KDM4C: variants seen among roughly 807,000 people sequenced by gnomAD.
KDM4C encodes the protein lysine-specific demethylase 4C.
Under a neutral mutation model 129.3 loss-of-function variants are expected in KDM4C, and 81 were observed. That is an observed-to-expected ratio of 0.63 (90% confidence interval 0.52 to 0.75). The LOEUF (loss-of-function observed/expected upper bound fraction) is 0.75. KDM4C is among the 30% of genes least tolerant of loss of function. The pLI, the probability that KDM4C is intolerant of heterozygous loss-of-function variation, is 0.00. For synonymous variants in KDM4C, 573 were observed against 456.1 expected (o/e 1.26, Z -3.26); for missense variants, 1,457 against 1,304.0 (o/e 1.12, Z -1.81).
chr9:6,801,239 ATTTTTTTTTTTTTTTTTT>A (rs59151680), intron 2 of KDM4C, among the ~76,000 whole-genome samples: 7 of 65,738 alleles, frequency 1.1e-4, no homozygotes, highest in Admixed American at 2.3e-4. Context: ...GAGTAGGGAA[ATTTTTTTTTTTTTTTTTT>A]TTTTTTTTTT....
intron 20 of KDM4C, among the ~76,000 whole-genome samples, chr9:7,168,871 T>C (rs1426063773): frequency 6.6e-6 from 1 of 151,998 alleles, no homozygotes; most frequent in African/African-American, 2.4e-5. Context: ...ACCTTATCTC[T>C]ACTAAAAAAC....
intron 8 of KDM4C, among the ~76,000 whole-genome samples, chr9:6,927,596 G>A (rs960562056): frequency 1.7e-4 from 26 of 152,180 alleles, no homozygotes; most frequent in African/African-American, 6.3e-4. Context: ...CCTTTGAGGA[G>A]ATCATCCCTC....
chr9:6,729,135 C>G lies in KDM4C; in HGVS notation c.49+8138C>G, dbSNP rs1401770516. Reference sequence around the variant, plus strand: ...CAGAGAATTGCTTGAACCCGGGAAGCAGAGGTTGCAGTGAGCCGAGATCAC... The same window carrying G: ...CAGAGAATTGCTTGAACCCGGGAAGGAGAGGTTGCAGTGAGCCGAGATCAC... On this transcript the variant is annotated intron_variant, in intron 1 of 17. Coordinates refer to the KDM4C transcript ENST00000536108. 4.2e-5 allele frequency among the ~76,000 whole-genome samples: 3 copies of G among 72,064 alleles called. 1 individual carries two copies. The highest frequency in any genetic ancestry group is 2.8e-4 in the African/African-American group (3 of 10,768). The allele number at this position is 72,064 out of a possible 152,430, so 47.3% of individuals were successfully genotyped here.
intron 4 of KDM4C, chr9:6,818,858 T>C (rs1398080694): frequency 2.6e-5 from 4 of 152,172 alleles, no homozygotes; most frequent in Non-Finnish European, 5.9e-5. Context: ...GCATAGTCAG[T>C]CTCATAGTTG....
intron 7 of KDM4C, among the ~76,000 whole-genome samples, chr9:6,891,778 G>T (rs569263312): frequency 1.3e-5 from 2 of 152,114 alleles, no homozygotes; most frequent in East Asian, 3.9e-4. Flanking sequence ...TACTGTTTCA[G>T]TCTCTTCTCC....
chr9:7,049,269 A>G, intron 17 of KDM4C, 69 bp downstream of exon 17: 1 of 761,430 alleles, frequency 1.3e-6, no homozygotes, highest in Non-Finnish European at 2.2e-6. Context: ...TTTTCCATTA[A>G]TGCACACATT....
At chr9:6,952,772 C>T (rs1407749347) in intron 8 of KDM4C, among the ~76,000 whole-genome samples, 2 of 152,020 alleles carry the variant, frequency 1.3e-5, no homozygotes, top group African/African-American at 2.4e-5. Context: ...AGATCATGTG[C>T]AGTATTTGTT....
chr9:7,012,850 T>TA (rs1422724785), intron 13 of KDM4C, among the ~76,000 whole-genome samples: 1 of 152,202 alleles, frequency 6.6e-6, no homozygotes, highest in Non-Finnish European at 1.5e-5. Context: ...TAGAAACAAA[T>TA]ATTTTATTCA....
chr9:6,932,314 A>G (rs77017606), intron 8 of KDM4C, among the ~76,000 whole-genome samples: 38,351 of 152,012 alleles, frequency 0.25, 5,325 homozygotes, highest in South Asian at 0.39. Flanking sequence ...TTTCTGCGGC[A>G]CAGGGATTAT....
intron 1 of KDM4C, among the ~76,000 whole-genome samples, chr9:6,742,435 T>A (rs1817731914): frequency 6.6e-6 from 1 of 152,144 alleles, no homozygotes; most frequent in Non-Finnish European, 1.5e-5. Flanking sequence ...AGCAGCCCCC[T>A]GAAACAGAGT....
intron 8 of KDM4C, among the ~76,000 whole-genome samples, chr9:6,977,232 T>TA (rs1833070748): frequency 6.6e-6 from 1 of 152,228 alleles, no homozygotes; most frequent in Non-Finnish European, 1.5e-5. Context: ...AAAATCTAAT[T>TA]GATCTTCTAC....
intron 1 of KDM4C, among the ~76,000 whole-genome samples, chr9:6,771,628 G>A (rs553893021): frequency 3.3e-5 from 5 of 152,302 alleles, no homozygotes; most frequent in Non-Finnish European, 5.9e-5. Flanking sequence ...CAAATTTAAG[G>A]CTTAGTTTTT....
intron 7 of KDM4C, among the ~76,000 whole-genome samples, chr9:6,892,092 T>C (rs1846186136): frequency 6.6e-6 from 1 of 152,220 alleles, no homozygotes; most frequent in African/African-American, 2.4e-5. Flanking sequence ...CTAAATACTT[T>C]GGCAATATGT....
intron 1 of KDM4C, 107 bp from the exon 2 acceptor site, chr9:6,792,865 G>C (rs766260569): frequency 1.8e-6 from 2 of 1,099,022 alleles, no homozygotes; most frequent in Non-Finnish European, 2.7e-6. Context: ...AATGGGAAGT[G>C]ACTGAAAGAG....
intron 4 of KDM4C, among the ~76,000 whole-genome samples, chr9:6,819,664 C>G (rs895397519): frequency 6.6e-6 from 1 of 152,124 alleles, no homozygotes; most frequent in African/African-American, 2.4e-5. Flanking sequence ...TGAGAAATAA[C>G]TTGTATTTAC....
At chr9:7,005,507 A>T (rs1284684853) in intron 12 of KDM4C, among the ~76,000 whole-genome samples, 1 of 150,454 alleles carries the variant, frequency 6.6e-6, no homozygotes, top group Admixed American at 6.6e-5. Context: ...CTTTGTTTCT[A>T]CTCTAATTTA....
At chr9:6,901,144 G>GTGGGCAGAAC (rs1198942403) in intron 8 of KDM4C, among the ~76,000 whole-genome samples, 1 of 152,188 alleles carries the variant, frequency 6.6e-6, no homozygotes, top group Non-Finnish European at 1.5e-5. Context: ...AGAGAAAGCA[G>GTGGGCAGAAC]TGGGCAGAAC....
intron 1 of KDM4C, among the ~76,000 whole-genome samples, chr9:6,777,671 G>A (rs890127615): frequency 4.0e-5 from 6 of 151,662 alleles, no homozygotes; most frequent in East Asian, 1.9e-4. Context: ...TTGCTCTGTC[G>A]CCCAGTCTGG....
At chr9:7,062,069 G>A (rs928394449) in intron 17 of KDM4C, among the ~76,000 whole-genome samples, 3 of 152,032 alleles carry the variant, frequency 2.0e-5, no homozygotes, top group African/African-American at 7.2e-5. Context: ...CCAGGTTCAC[G>A]CCATTCTCCT....
Sources: gnomAD v4.1 joint callset for allele counts (sites outside exome capture counted in the v4.1 genomes callset) on GRCh38, gnomAD v4.1.1 for gene constraint, MANE v1.5 for transcripts, NCBI Gene and HGNC (gene_info 2026-07-23, HGNC 2026-07-21) for gene names.